Variants in SREBF1 observed in about 807,000 individuals in gnomAD.
The protein encoded by SREBF1 is sterol regulatory element-binding protein 1.
A neutral mutation model predicts 100.1 loss-of-function variants in SREBF1; 45 were observed. The ratio of observed to expected loss-of-function variants is 0.45; its 90% CI spans 0.35 to 0.58. The LOEUF is 0.58. Among genes scored for constraint, SREBF1 ranks in the 20% least tolerant of loss-of-function variants. The probability of loss-of-function intolerance (pLI) is 0.00; values close to 1 mark genes in which losing one functional copy is unlikely to be tolerated. For missense variants in SREBF1, 1,324 were observed against 1,539.4 expected (o/e 0.86, Z 2.34); for synonymous variants, 657 against 681.8 (o/e 0.96, Z 0.57).
chr17:17,816,768 C>T, intron 9 of SREBF1, 50 bp from the exon 10 acceptor site: 1 of 1,566,994 alleles, frequency 6.4e-7, no homozygotes, highest in Non-Finnish European at 8.6e-7. Context: ...GAGCAGCTGC[C>T]CCAAAGCTCA....
Position 17,816,610 on chromosome 17 carries a change from T to C in SREBF1, c.1894A>G (p.Ile632Val), listed in dbSNP as rs767132358. Residue 632 changes from isoleucine to valine, a missense_variant, in exon 10 of 19, where the codon ATC (isoleucine) becomes GTC (valine). Physicochemically the swap from Ile to Val is conservative, Grantham distance 29. Coordinates refer to ENST00000261646, the MANE Select transcript of SREBF1 (RefSeq NM_004176.5). Reference protein sequence around the residue: ...DLACSLLWNLIRHLLQRLWVG... With the variant: ...DLACSLLWNLVRHLLQRLWVG... ...CAGAGACGCTGCAGCAGGTGACGGA[T>C]GAGGTTCCAGAGGAGGCTACAAGCC... The C allele has an allele frequency of 3.1e-6, 5 of 1,605,554 alleles. No homozygotes were observed. The South Asian group carries it at 4.5e-5, about 14-fold the overall frequency.
rs1395733545 is a variant in SREBF1 at position 17,812,710 on chromosome 17, A to C, written c.3356T>G (p.Leu1119Arg). Residue 1119 changes from leucine to arginine, a missense_variant, in exon 19 of 19, where the codon CTC (leucine) becomes CGC (arginine). Physicochemically the swap from Leu to Arg is moderately radical, Grantham distance 102 (BLOSUM62 -2). Transcript: ENST00000261646. The stretch of plus-strand genomic sequence containing the variant: ...CAGCCGGCGATCGCCAAGCTTCTCG[A>C]GTGTGCGCGCCGCCTCAGCCAGCAT... ...VGMLAEAART[L>R]EKLGDRRLLH... 1.9e-6 allele frequency: 3 copies of C among 1,599,202 alleles called. No homozygotes were observed. The highest frequency in any genetic ancestry group is 2.6e-6 in the Non-Finnish European group (3 of 1,173,276).
At position 17,836,842 on chromosome 17, in the gene SREBF1, CCCG is replaced by C; in HGVS notation, c.-28_-26del. 6.8e-7 allele frequency: 1 copy of C among 1,478,344 alleles called. No homozygotes were observed. The highest frequency in any genetic ancestry group is 9.0e-7 in the Non-Finnish European group (1 of 1,111,310). 91.6% of individuals were successfully genotyped at this position (1,478,344 alleles called of 1,614,324 possible). On this transcript the variant is annotated 5_prime_UTR_variant, in exon 1 of 19. Coordinates refer to ENST00000261646, the MANE Select transcript of SREBF1 (RefSeq NM_004176.5). ...TGGCGCAGCCGCCTCCTCCGGGAGGCCCGCCGGGCCCGCCGCCTCGTACGGCCC... is the reference window on the plus strand; with the variant it reads ...TGGCGCAGCCGCCTCCTCCGGGAGGCCCGGGCCCGCCGCCTCGTACGGCCC...
At chr17:17,818,431 T>C (rs531116837) in intron 5 of SREBF1, 57 bp from the exon 6 acceptor site, 99 of 1,383,864 alleles carry the variant, frequency 7.2e-5, no homozygotes, top group Non-Finnish European at 9.5e-5. Context: ...TCGGGGGTTG[T>C]GGGGTTGGAG....
chr17:17,833,239 T>C (rs1399326764), intron 1 of SREBF1, among the ~76,000 whole-genome samples: 1 of 150,922 alleles, frequency 6.6e-6, no homozygotes, highest in East Asian at 2.0e-4. Flanking sequence ...CTGGCTAACA[T>C]GGTGAAACCC....
At position 17,814,391 on chromosome 17, in the gene SREBF1, C is replaced by T; in HGVS notation, c.2755G>A (p.Ala919Thr). The stretch of plus-strand genomic sequence containing the variant: ...CGGGCAGCCTTGAAGGAGTGCAGAG[C>T]TGCCCTGGGCAGGGGTCTCCTGTTG... ...QESERPLPRA[A>T]LHSFKAARAL... is the part of the protein sequence containing the mutation. The change falls in exon 16 of 19, where the codon GCT (alanine) becomes ACT (threonine). Residue 919 changes from alanine to threonine, a missense_variant. Physicochemically the swap from Ala to Thr is moderately conservative, Grantham distance 58. Transcript: ENST00000261646. The T allele has an allele frequency of 6.4e-7, 1 of 1,559,792 alleles. No individual in the cohort carries two copies. The highest frequency in any genetic ancestry group is 1.2e-5 in the South Asian group (1 of 84,908).
In SREBF1 at chr17:17,823,674, C is replaced by CCCCAGCCCCG. The variant is rs2034282894; in HGVS notation, c.92-3154_92-3153insCGGGGCTGGG. ...GGCGCGCCCGCCCCGCCCCGCCCCG[C>CCCCAGCCCCG]CCCCAGCCCCGCCCCAGCCCCGCCC... On this transcript the variant is annotated intron_variant, in intron 1 of 18. Transcript: ENST00000261646. 1.1e-5 allele frequency: 13 copies of CCCCAGCCCCG among 1,160,160 alleles called. No homozygotes were observed. In the South Asian group the frequency reaches 1.6e-4, roughly 14 times the overall value. 71.9% of individuals were successfully genotyped at this position (1,160,160 alleles called of 1,614,324 possible). A position where few individuals can be genotyped will look rare whatever the true frequency, so the allele number is the denominator to read the frequency against.
At chr17:17,825,944 T>C (rs915961835) in intron 1 of SREBF1, among the ~76,000 whole-genome samples, 1 of 152,102 alleles carries the variant, frequency 6.6e-6, no homozygotes, top group Non-Finnish European at 1.5e-5. Flanking sequence ...AGGTTAAGAC[T>C]GAAAAAGGAA....
In SREBF1 at chr17:17,819,705, G is replaced by C. The variant is rs70937018; in HGVS notation, c.544C>G (p.Gln182Glu). Reference protein sequence around the residue: ...FSTGSPPGNTQQPLPGLPLAS... With the variant: ...FSTGSPPGNTEQPLPGLPLAS... ...AGTGGCAGGCCAGGCAGCGGCTGCT[G>C]GGTGTTCCCGGGAGGGCTTCCTGCA... The change falls in exon 3 of 19, where the codon CAG (glutamine) becomes GAG (glutamate). Residue 182 changes from glutamine to glutamate, a missense_variant. Physicochemically the swap from Gln to Glu is conservative, Grantham distance 29. Coordinates refer to ENST00000261646, the MANE Select transcript of SREBF1 (RefSeq NM_004176.5). 2.7e-4 allele frequency: 434 copies of C among 1,606,702 alleles called. 3 individuals carry two copies. In the East Asian group the frequency reaches 6.1e-3, roughly 22 times the overall value.
intron 1 of SREBF1, among the ~76,000 whole-genome samples, chr17:17,830,692 C>T (rs1314630172): frequency 1.3e-5 from 2 of 152,172 alleles, no homozygotes; most frequent in Admixed American, 6.5e-5. Flanking sequence ...GGGGATGGAC[C>T]CCCAGCCCCG....
chr17:17,814,486 C>A, intron 15 of SREBF1, 76 bp from the exon 16 acceptor site: 2 of 1,540,604 alleles, frequency 1.3e-6, no homozygotes, highest in South Asian at 2.4e-5. Context: ...ACTTCCCTGG[C>A]TCGAGTTCCC....
In SREBF1 at chr17:17,824,674, CCAAACTGCAGGCCAGCGCCTCTGCCT is replaced by C. The variant is rs1220544670; in HGVS notation, c.92-4179_92-4154del. Among the ~76,000 whole-genome samples, 1 of 152,154 alleles carries C rather than the reference CCAAACTGCAGGCCAGCGCCTCTGCCT, an allele frequency of 6.6e-6. No individual in the cohort carries two copies. The highest frequency in any genetic ancestry group is 1.5e-5 in the Non-Finnish European group (1 of 68,014). Reference sequence around the variant, plus strand: ...ACCACCAGCAAAGCCTGCCTCTGCCCCAAACTGCAGGCCAGCGCCTCTGCCTGGTCCACACCCCAGTTGGCTGCAAC... The same window carrying C: ...ACCACCAGCAAAGCCTGCCTCTGCCCGGTCCACACCCCAGTTGGCTGCAAC... On this transcript the variant is annotated intron_variant, in intron 1 of 18. Coordinates refer to ENST00000261646, the MANE Select transcript of SREBF1 (RefSeq NM_004176.5). The surrounding 1 kb of genome is among the most constrained non-coding windows in gnomAD (Gnocchi z 4.2).
Position 17,815,885 on chromosome 17 carries a change from G to A in SREBF1, c.2358C>T (p.Ser786=), listed in dbSNP as rs1241959892. The A allele has an allele frequency of 5.0e-6, 8 of 1,612,802 alleles. No individual in the cohort carries two copies. The Admixed American group carries it at 8.3e-5, about 17-fold the overall frequency. ...CTGGGTTCCCGGCCAAGCTGTACAG[G>A]CTCTCCCATGGGGTACTGAGCACGG... ...DWSVLSTPWE[S]LYSLAGNPVD... The change falls in exon 12 of 19, where the codon AGC becomes AGT. Residue 786 remains serine (S), a synonymous_variant. Coordinates refer to ENST00000261646, the MANE Select transcript of SREBF1 (RefSeq NM_004176.5).
chr17:17,812,261 C>T lies in SREBF1; in HGVS notation c.*361G>A. ...TCTGGGGCAGAGCCCTGCTTGCAGT[C>T]CGGGAAAGCCAAGTTGGCTTCCGTC... On this transcript the variant is annotated 3_prime_UTR_variant, in exon 19 of 19. Coordinates refer to ENST00000261646, the MANE Select transcript of SREBF1 (RefSeq NM_004176.5). The T allele has an allele frequency of 7.2e-6, 3 of 417,038 alleles. No individual in the cohort carries two copies. The highest frequency in any genetic ancestry group is 6.8e-5 in the South Asian group (3 of 43,802). The allele number at this position is 417,038 out of a possible 1,614,324, so 25.8% of individuals were successfully genotyped here.
intron 1 of SREBF1, 187 bp from the exon 2 acceptor site, chr17:17,820,708 G>C (rs961680514): frequency 1.8e-5 from 12 of 684,078 alleles, no homozygotes; most frequent in Middle Eastern, 3.7e-4. Context: ...GCCATTTTGC[G>C]AGCACCTGTG....
At chr17:17,834,735 C>T (rs1230696656) in intron 1 of SREBF1, among the ~76,000 whole-genome samples, 1 of 152,182 alleles carries the variant, frequency 6.6e-6, no homozygotes, top group Non-Finnish European at 1.5e-5. Context: ...AAGGTCTGGG[C>T]TGGGAGCGGT....
rs376523816 is a variant in SREBF1 at position 17,819,281 on chromosome 17, G to A, written c.846+39C>T. 2.5e-6 allele frequency: 4 copies of A among 1,612,532 alleles called. No homozygotes were observed. The South Asian group carries it at 3.3e-5, about 13-fold the overall frequency. ...ACCAGGTGGGCATGTGTGTGTGTGT[G>A]TAGACCCCACTCCCTTATGCCCTGC... On this transcript the variant is annotated intron_variant, in intron 4 of 18. Coordinates refer to ENST00000261646, the MANE Select transcript of SREBF1 (RefSeq NM_004176.5).
intron 1 of SREBF1, 91 bp downstream of exon 1, chr17:17,836,636 C>A: frequency 4.5e-6 from 6 of 1,320,910 alleles, no homozygotes; most frequent in Admixed American, 4.0e-5. Flanking sequence ...GGAGCTGGCG[C>A]CCGTGGGGGA....
chr17:17,816,044 C>T lies in SREBF1; in HGVS notation c.2215-16G>A. On this transcript the variant is annotated splice_polypyrimidine_tract_variant and intron_variant, in intron 11 of 18. Transcript: ENST00000261646. ...GGAAGAAGCGCTGTAGGGGAGGGTA[C>T]TGGGCTGTCACAGTGGACACAGCCT... The T allele has an allele frequency of 1.2e-6, 2 of 1,609,976 alleles. No homozygotes were observed. The highest frequency in any genetic ancestry group is 1.1e-5 in the South Asian group (1 of 90,822).
Sources: allele counts gnomAD v4.1 joint callset (sites outside exome capture counted in the v4.1 genomes callset), GRCh38; gene constraint gnomAD v4.1.1; non-coding constraint Gnocchi (gnomAD v3.1); transcripts MANE v1.5; gene names NCBI Gene and HGNC (gene_info 2026-07-23, HGNC 2026-07-21).